EEF1E1: variants seen among roughly 807,000 people sequenced by gnomAD.
EEF1E1 encodes the protein eukaryotic translation elongation factor 1 epsilon-1.
EEF1E1 carries 19 observed loss-of-function variants against 19.9 expected under a neutral mutation model. That is an observed-to-expected ratio of 0.95 (90% confidence interval 0.66 to 1.40). The LOEUF (loss-of-function observed/expected upper bound fraction) is 1.40, where lower values mean the gene tolerates loss of function less well. Ranked by LOEUF, EEF1E1 falls within the 40% of genes most tolerant of loss-of-function variation. The pLI is 0.00. For missense variants in EEF1E1, 198 were observed against 202.2 expected, an observed-to-expected ratio of 0.98 and a Z score of 0.13; for synonymous variants, 81 against 80.0, an observed-to-expected ratio of 1.01 and a Z score of -0.07.
At chr6:8,094,612 T>C (rs1002976031) in intron 2 of EEF1E1, among the ~76,000 whole-genome samples, 5 of 151,132 alleles carry the variant, frequency 3.3e-5, no homozygotes, top group African/African-American at 1.2e-4. Context: ...CAAATGGGAA[T>C]GTGCTCAAGT....
downstream of EEF1E1, among the ~76,000 whole-genome samples, chr6:8,075,712 GACA>G (rs200945923): frequency 8.2e-3 from 1,246 of 152,214 alleles, 10 homozygotes; most frequent in Non-Finnish European, 0.012. Flanking sequence ...AATCTCTTAA[GACA>G]ACAATAAAGT....
chr6:8,099,550 T>G lies in EEF1E1; in HGVS notation c.88-2083A>C, dbSNP rs542629496. Reference sequence around the variant, plus strand: ...TCACCTGAGGTCGGGAGTATGAGACTAGCCTAACCAACACGGAGAAACCCC... The same window carrying G: ...TCACCTGAGGTCGGGAGTATGAGACGAGCCTAACCAACACGGAGAAACCCC... On this transcript the variant is annotated intron_variant, in intron 1 of 3. Transcript: ENST00000379715. Among the ~76,000 whole-genome samples the G allele has an allele frequency of 2.0e-5, 3 of 152,158 alleles. No homozygotes were observed. The South Asian group carries it at 6.2e-4, about 32-fold the overall frequency.
intron 1 of EEF1E1, chr6:8,101,708 GACAA>G: frequency 7.9e-7 from 1 of 1,266,382 alleles, no homozygotes. Flanking sequence ...TTCCTTCTAC[GACAA>G]ACAACTATAA....
chr6:8,073,948 G>A (rs1249209711), intron 3 of EEF1E1, among the ~76,000 whole-genome samples: 1 of 152,208 alleles, frequency 6.6e-6, no homozygotes, highest in South Asian at 2.1e-4. Context: ...GGTGCCCTCC[G>A]ACTACACATC....
chr6:8,100,223 T>G (rs945938272), intron 1 of EEF1E1, among the ~76,000 whole-genome samples: 3 of 152,218 alleles, frequency 2.0e-5, no homozygotes, highest in Non-Finnish European at 4.4e-5. Flanking sequence ...GCATCATTCC[T>G]CATATTGGTT....
chr6:8,096,873 T>C (rs1219669853), intron 2 of EEF1E1, among the ~76,000 whole-genome samples: 3 of 152,192 alleles, frequency 2.0e-5, no homozygotes, highest in African/African-American at 7.2e-5. Context: ...TCTGCTTCTC[T>C]CTTGCCTCTG....
At position 8,099,788 on chromosome 6, in the gene EEF1E1, AC is replaced by A. The variant is rs1415226760; in HGVS notation, c.88-2322del. ...CACACACACACACACACACACACAC[AC>A]ACAAAAAAAAAACAGAACCCTCTAT... On this transcript the variant is annotated intron_variant, in intron 1 of 3. Transcript: ENST00000379715. Among the ~76,000 whole-genome samples, 1,200 of 124,268 alleles carry A rather than the reference AC, an allele frequency of 9.7e-3. 26 individuals carry two copies. Among genetic ancestry groups the A allele is most frequent in the South Asian group, 0.042 (160 of 3,794 alleles). The allele number at this position is 124,268 out of a possible 152,430, so 81.5% of individuals were successfully genotyped here.
chr6:8,100,598 G>C (rs1241002309), intron 1 of EEF1E1, among the ~76,000 whole-genome samples: 1 of 152,002 alleles, frequency 6.6e-6, no homozygotes, highest in Non-Finnish European at 1.5e-5. Context: ...TGCAACCTTG[G>C]TGTTATCAGT....
intron 2 of EEF1E1, among the ~76,000 whole-genome samples, chr6:8,095,210 C>T (rs1231420817): frequency 6.6e-6 from 1 of 152,062 alleles, no homozygotes; most frequent in South Asian, 2.1e-4. Flanking sequence ...AACAAAAAAA[C>T]AGTTTACTGG....
At chr6:8,101,984 C>T in intron 1 of EEF1E1, 1 of 1,246,036 alleles carries the variant, frequency 8.0e-7, no homozygotes, top group Non-Finnish European at 1.0e-6. Flanking sequence ...GCATGTTCCC[C>T]TAAATCATCA....
At chr6:8,080,669 A>C (rs1471084884) in intron 3 of EEF1E1, among the ~76,000 whole-genome samples, 1 of 152,246 alleles carries the variant, frequency 6.6e-6, no homozygotes, top group Non-Finnish European at 1.5e-5. Context: ...CAAATTCCAA[A>C]ATAGGTGACT....
intron 3 of EEF1E1, among the ~76,000 whole-genome samples, chr6:8,089,755 A>G (rs930238701): frequency 1.3e-5 from 2 of 152,178 alleles, no homozygotes; most frequent in Non-Finnish European, 1.5e-5. Context: ...TACACAGAAG[A>G]TGGGGTACTG....
At chr6:8,077,510 C>T (rs769832470), downstream of EEF1E1, among the ~76,000 whole-genome samples, 2 of 152,208 alleles carry the variant, frequency 1.3e-5, no homozygotes, top group South Asian at 4.1e-4. Flanking sequence ...TTGCAGTCTA[C>T]GTTAGCACTT....
At chr6:8,095,484 C>CA (rs1758145803) in intron 2 of EEF1E1, 2 of 243,380 alleles carry the variant, frequency 8.2e-6, no homozygotes, top group Admixed American at 1.0e-4. Context: ...GCCTGGGTGA[C>CA]AGAGTGAGAA....
At chr6:8,089,820 A>G (rs1255224179) in intron 3 of EEF1E1, 2 of 242,264 alleles carry the variant, frequency 8.3e-6, no homozygotes, top group African/African-American at 4.4e-5. Context: ...GGATGATGAC[A>G]AAACCTAAAG....
intron 2 of EEF1E1, among the ~76,000 whole-genome samples, chr6:8,094,541 A>C (rs1286501158): frequency 6.6e-6 from 1 of 151,568 alleles, no homozygotes; most frequent in Non-Finnish European, 1.5e-5. Flanking sequence ...CAGAGGTTGC[A>C]GCCTGTGTGA....
At chr6:8,087,283 TCTCTGCTCAGGGCAAC>T (rs1427252123) in intron 3 of EEF1E1, among the ~76,000 whole-genome samples, 13 of 152,174 alleles carry the variant, frequency 8.5e-5, no homozygotes, top group African/African-American at 3.1e-4. Context: ...CTTGGTGCGA[TCTCTGCTCAGGGCAAC>T]CTCTTCCTCC....
chr6:8,092,868 G>GTTGTTTTTT (rs1554099258), intron 2 of EEF1E1, among the ~76,000 whole-genome samples: 25 of 108,202 alleles, frequency 2.3e-4, no homozygotes, highest in South Asian at 5.9e-4. Flanking sequence ...GATAAAGACT[G>GTTGTTTTTT]CTTTTTTTTT....
At chr6:8,101,825 T>C (rs949622075) in intron 1 of EEF1E1, 9 of 1,289,276 alleles carry the variant, frequency 7.0e-6, no homozygotes, top group Non-Finnish European at 7.1e-6. Context: ...TCCAAGGCTT[T>C]AGAAACGCCT....
Sources: gnomAD v4.1 joint callset for allele counts (sites outside exome capture counted in the v4.1 genomes callset) on GRCh38, gnomAD v4.1.1 for gene constraint, MANE v1.5 for transcripts, NCBI Gene and HGNC (gene_info 2026-07-23, HGNC 2026-07-21) for gene names.